The following ZNF618 variants were observed in gnomAD, a reference collection of about 807,000 sequenced individuals.
The protein encoded by ZNF618 is zinc finger protein 618.
In ZNF618, 34 loss-of-function variants were observed where a neutral mutation model predicts 103.0. That is an observed-to-expected ratio of 0.33 (90% CI 0.25 to 0.44). The LOEUF is 0.44. ZNF618 is among the 20% of genes least tolerant of loss of function. The pLI is 1.00. For synonymous variants in ZNF618, 551 were observed against 542.2 expected (o/e 1.02, Z -0.23); for missense variants, 1,059 against 1,295.4 (o/e 0.82, Z 2.80).
intron 2 of ZNF618, among the ~76,000 whole-genome samples, chr9:113,983,524 C>T (rs1379391249): frequency 6.6e-6 from 1 of 152,164 alleles, no homozygotes; most frequent in East Asian, 1.9e-4. Context: ...TGGTCCCCAT[C>T]TTCTGTGAAC....
rs778788071 is a variant in ZNF618, at chr9:113,998,268, C to T, written c.347C>T (p.Ala116Val). The T allele has an allele frequency of 6.5e-6, 10 of 1,550,376 alleles. No individual in the cohort carries two copies. The highest frequency in any genetic ancestry group is 3.6e-5 in the South Asian group (3 of 84,044). The change falls in exon 4 of 15, where the codon GCG becomes GTG. Residue 116 changes from alanine to valine, a missense_variant. By Grantham distance (64) the Ala-to-Val change is moderately conservative. Coordinates refer to ENST00000374126, the MANE Select transcript of ZNF618 (RefSeq NM_001318042.2). ...TTCTTACGTAATTCAGATGGAAAAG[C>T]GCCCGAAGGCAGCCCCCACGGTGGA... ...VRNQQTLDGK[A>V]PEGSPHGGSV...
intron 1 of ZNF618, among the ~76,000 whole-genome samples, chr9:113,893,328 A>G (rs565697139): frequency 6.6e-6 from 1 of 152,324 alleles, no homozygotes; most frequent in South Asian, 2.1e-4. Flanking sequence ...ATGGAATATG[A>G]TAGTTGTGGC....
At chr9:113,924,917 C>A (rs865983375) in intron 1 of ZNF618, among the ~76,000 whole-genome samples, 1 of 151,776 alleles carries the variant, frequency 6.6e-6, no homozygotes. Flanking sequence ...CTTTTAATCT[C>A]GTTAGGGTGC....
intron 3 of ZNF618, among the ~76,000 whole-genome samples, chr9:113,997,491 C>G (rs890264722): frequency 1.3e-5 from 2 of 152,166 alleles, no homozygotes; most frequent in African/African-American, 2.4e-5. Context: ...TATTCGTTGC[C>G]CCTCTGGTCC....
At position 113,977,614 on chromosome 9, in the gene ZNF618, G is replaced by A. The variant is rs191495932; in HGVS notation, c.77+8454G>A. Reference sequence around the variant, plus strand: ...TATTCTATCTGGGAGACAGAGAGGTGGCCCCTCAGAGAACAGTGTACATTG... The same window carrying A: ...TATTCTATCTGGGAGACAGAGAGGTAGCCCCTCAGAGAACAGTGTACATTG... On this transcript the variant is annotated intron_variant, in intron 2 of 14. Coordinates refer to ENST00000374126, the MANE Select transcript of ZNF618 (RefSeq NM_001318042.2). Among the ~76,000 whole-genome samples the A allele has an allele frequency of 3.0e-4, 45 of 152,274 alleles. No homozygotes were observed. In the East Asian group the frequency reaches 7.7e-3, roughly 26 times the overall value.
At chr9:113,957,994 G>A (rs2132494731) in intron 1 of ZNF618, among the ~76,000 whole-genome samples, 1 of 152,178 alleles carries the variant, frequency 6.6e-6, no homozygotes, top group Admixed American at 6.5e-5. Context: ...AACCTGGAGA[G>A]AGAATTTTTG....
chr9:113,987,447 G>A (rs1381435447), intron 2 of ZNF618, among the ~76,000 whole-genome samples: 1 of 152,186 alleles, frequency 6.6e-6, no homozygotes, highest in East Asian at 1.9e-4. Context: ...GTTTTCCGAT[G>A]TTTAAAGAGC....
chr9:113,994,741 C>T (rs1840402313), intron 3 of ZNF618, among the ~76,000 whole-genome samples: 1 of 152,124 alleles, frequency 6.6e-6, no homozygotes, highest in Non-Finnish European at 1.5e-5. Flanking sequence ...GACATTGATG[C>T]CTCTGGGGTT....
chr9:113,936,461 C>T, intron 1 of ZNF618, among the ~76,000 whole-genome samples: 1 of 152,246 alleles, frequency 6.6e-6, no homozygotes, highest in East Asian at 1.9e-4. Flanking sequence ...AATATGTCTG[C>T]TCCCAGATTA....
intron 1 of ZNF618, among the ~76,000 whole-genome samples, chr9:113,879,038 T>A (rs914952106): frequency 1.4e-4 from 22 of 151,848 alleles, no homozygotes; most frequent in South Asian, 4.2e-4. Context: ...ATTAAAAAAA[T>A]TTTTTTCTGT....
Position 114,050,329 on chromosome 9 carries a change from CGTGTATGT to C in ZNF618, c.*163_*170del. Reference sequence around the variant, plus strand: ...TGCTTTTTTTATATGTGTGTGTGTGCGTGTATGTACACAGCCACACGTGTGTGCACGTG... The same window carrying C: ...TGCTTTTTTTATATGTGTGTGTGTGCACACAGCCACACGTGTGTGCACGTG... On this transcript the variant is annotated 3_prime_UTR_variant, in exon 15 of 15. Transcript: ENST00000374126. 1.3e-6 allele frequency: 1 copy of C among 770,464 alleles called. No homozygotes were observed. The highest frequency in any genetic ancestry group is 2.0e-6 in the Non-Finnish European group (1 of 502,276). The allele number at this position is 770,464 out of a possible 1,614,324, so 47.7% of individuals were successfully genotyped here.
chr9:114,016,237 T>C, intron 9 of ZNF618: 1 of 1,453,852 alleles, frequency 6.9e-7, no homozygotes, highest in Non-Finnish European at 9.6e-7. Flanking sequence ...GGGTGGGGGG[T>C]GCTTGGGGGC....
At chr9:113,999,280 TGGGTTTTAGGCTGAGCTAGGGGCAGGC>T (rs576991236) in intron 4 of ZNF618, among the ~76,000 whole-genome samples, 4,968 of 149,268 alleles carry the variant, frequency 0.033, 251 homozygotes, top group African/African-American at 0.11. Context: ...GGCGGGGCCC[TGGGTTTTAGGCTGAGCTAGGGGCAGGC>T]GGGGCCCTGG....
chr9:113,922,784 G>C (rs1832764123), intron 1 of ZNF618, among the ~76,000 whole-genome samples: 2 of 151,970 alleles, frequency 1.3e-5, no homozygotes, highest in African/African-American at 4.8e-5. Flanking sequence ...GGCTATTCTG[G>C]GTCTTTTGCC....
intron 1 of ZNF618, among the ~76,000 whole-genome samples, chr9:113,934,259 G>A (rs561191112): frequency 2.6e-5 from 4 of 152,230 alleles, no homozygotes; most frequent in African/African-American, 9.6e-5. Flanking sequence ...TTAGACTTCA[G>A]GCTGCTGCTG....
At chr9:113,987,236 T>C (rs1001671928) in intron 2 of ZNF618, among the ~76,000 whole-genome samples, 1 of 152,150 alleles carries the variant, frequency 6.6e-6, no homozygotes, top group Non-Finnish European at 1.5e-5. Context: ...CTTAGGATGA[T>C]AACATGGACA....
intron 1 of ZNF618, among the ~76,000 whole-genome samples, chr9:113,944,351 C>T (rs970993683): frequency 1.3e-5 from 2 of 152,174 alleles, no homozygotes; most frequent in East Asian, 3.9e-4. Flanking sequence ...GGTCTTGGCT[C>T]ACTGCAAACT....
At chr9:113,982,680 C>CAA in intron 2 of ZNF618, among the ~76,000 whole-genome samples, 1 of 152,256 alleles carries the variant, frequency 6.6e-6, no homozygotes, top group East Asian at 1.9e-4. Context: ...ATACATCAGG[C>CAA]AAAAAGCAAA....
intron 1 of ZNF618, among the ~76,000 whole-genome samples, chr9:113,876,987 AAAG>A (rs1156687852): frequency 3.3e-5 from 5 of 152,122 alleles, no homozygotes; most frequent in Admixed American, 6.5e-5. Context: ...TGTAAATAAA[AAAG>A]AAATTAAAAT....
Sources: gnomAD v4.1 joint callset for allele counts (sites outside exome capture counted in the v4.1 genomes callset) on GRCh38, gnomAD v4.1.1 for gene constraint, MANE v1.5 for transcripts, NCBI Gene and HGNC (gene_info 2026-07-23, HGNC 2026-07-21) for gene names.